PIK3CB: variants seen among roughly 807,000 people sequenced by gnomAD.
PIK3CB encodes phosphatidylinositol-4,5-bisphosphate 3-kinase catalytic subunit beta.
In PIK3CB, 39 loss-of-function variants were observed where a neutral mutation model predicts 136.8. The ratio of observed to expected loss-of-function variants is 0.29; its 90% confidence interval spans 0.22 to 0.37. PIK3CB has a LOEUF of 0.37. Ranked by LOEUF, PIK3CB falls within the 10% of genes least tolerant of loss-of-function variation. The probability of loss-of-function intolerance (pLI) is 1.00; values close to 1 mark genes in which losing one functional copy is unlikely to be tolerated. For missense variants in PIK3CB, 868 were observed against 1,275.4 expected (o/e 0.68, Z 4.87); for synonymous variants, 428 against 436.6 (o/e 0.98, Z 0.25).
At chr3:138,768,976 A>G (rs948601725) in intron 2 of PIK3CB, among the ~76,000 whole-genome samples, 5 of 151,906 alleles carry the variant, frequency 3.3e-5, no homozygotes, top group African/African-American at 1.2e-4. Context: ...GGCATGGGAG[A>G]GAAGGGGCTG....
At chr3:138,695,392 G>A (rs1559821181) in intron 13 of PIK3CB, among the ~76,000 whole-genome samples, 1 of 152,142 alleles carries the variant, frequency 6.6e-6, no homozygotes, top group Non-Finnish European at 1.5e-5. Context: ...ACTGGGAGAG[G>A]TGGCCTGCAA....
intron 23 of PIK3CB, among the ~76,000 whole-genome samples, 175 bp from the exon 24 acceptor site, chr3:138,655,701 T>C (rs1281121504): frequency 2.0e-5 from 3 of 152,168 alleles, no homozygotes; most frequent in African/African-American, 7.2e-5. Context: ...AGGGAGATAA[T>C]ATGACTTCTT....
intron 1 of PIK3CB, among the ~76,000 whole-genome samples, chr3:138,804,471 T>C (rs2046209940): frequency 6.6e-6 from 1 of 152,048 alleles, no homozygotes; most frequent in African/African-American, 2.4e-5. Flanking sequence ...GCCATGATCA[T>C]GCCACTGCAC....
At position 138,813,515 on chromosome 3, in the gene PIK3CB, T is replaced by A. The variant is rs569578225; in HGVS notation, c.-121-16948A>T. ...GGCACGATCTCTCCGCCTCCTGGGT[T>A]CACACCATTCTCCTGCCTCAGCCTC... On this transcript the variant is annotated intron_variant, in intron 1 of 23. Transcript: ENST00000674063. 1.3e-5 allele frequency among the ~76,000 whole-genome samples: 2 copies of A among 151,594 alleles called. 1 individual carries two copies. Among genetic ancestry groups the A allele is most frequent in the South Asian group, 4.2e-4 (2 of 4,776 alleles).
intron 8 of PIK3CB, among the ~76,000 whole-genome samples, chr3:138,730,361 C>A (rs769406782): frequency 6.6e-6 from 1 of 152,010 alleles, no homozygotes; most frequent in Non-Finnish European, 1.5e-5. Flanking sequence ...AAATAAAACA[C>A]GAATGAAGGC....
At chr3:138,777,123 T>A (rs2045868104) in intron 2 of PIK3CB, among the ~76,000 whole-genome samples, 1 of 152,156 alleles carries the variant, frequency 6.6e-6, no homozygotes, top group Non-Finnish European at 1.5e-5. Context: ...ATCTCCAAGC[T>A]GAGCAGGAAG....
chr3:138,664,273 CTG>C (rs982680596), intron 20 of PIK3CB, among the ~76,000 whole-genome samples: 1 of 151,980 alleles, frequency 6.6e-6, no homozygotes, highest in Admixed American at 6.6e-5. Context: ...GTCCTGGGAG[CTG>C]TGTTTCGGTG....
intron 2 of PIK3CB, chr3:138,770,702 T>G (rs1217736910): frequency 6.6e-6 from 1 of 151,768 alleles, no homozygotes; most frequent in Non-Finnish European, 1.5e-5. Flanking sequence ...AGAAAAAACA[T>G]TACTTCTTTT....
intron 5 of PIK3CB, among the ~76,000 whole-genome samples, chr3:138,742,001 T>C (rs1335747793): frequency 3.3e-5 from 5 of 152,196 alleles, no homozygotes; most frequent in Non-Finnish European, 7.3e-5. Flanking sequence ...TACTTCCATA[T>C]CATTAATTAA....
intron 6 of PIK3CB, among the ~76,000 whole-genome samples, chr3:138,737,059 TAA>T (rs1235953630): frequency 2.6e-5 from 4 of 151,930 alleles, no homozygotes; most frequent in African/African-American, 9.7e-5. Flanking sequence ...CATAATGATA[TAA>T]GACAATAATT....
intron 4 of PIK3CB, among the ~76,000 whole-genome samples, chr3:138,744,419 A>AAAAG (rs2045310020): frequency 6.8e-6 from 1 of 146,910 alleles, no homozygotes; most frequent in Non-Finnish European, 1.5e-5. Context: ...AAAAAAAAAA[A>AAAAG]AAAGGAAGTG....
intron 1 of PIK3CB, chr3:138,797,103 T>A (rs891419519): frequency 1.9e-5 from 3 of 160,066 alleles, no homozygotes; most frequent in Non-Finnish European, 2.8e-5. Context: ...AAGCGCCAGA[T>A]GAAACAAGCT....
chr3:138,683,564 C>T, intron 18 of PIK3CB, 114 bp downstream of exon 18: 3 of 653,042 alleles, frequency 4.6e-6, no homozygotes, highest in African/African-American at 1.8e-5. Flanking sequence ...TAATAGCTAC[C>T]TTCCTGGCTG....
At chr3:138,787,001 AC>A (rs540023015) in intron 2 of PIK3CB, among the ~76,000 whole-genome samples, 65 of 152,354 alleles carry the variant, frequency 4.3e-4, no homozygotes, top group African/African-American at 1.5e-3. Flanking sequence ...TAAAAAGCAC[AC>A]CACATTATCA....
At chr3:138,694,645 G>A in intron 14 of PIK3CB, 141 bp downstream of exon 14, 2 of 810,912 alleles carry the variant, frequency 2.5e-6, no homozygotes, top group East Asian at 2.8e-5. Context: ...TTGGGGAGCT[G>A]GCAGGAGTAC....
rs78626495 is a variant in PIK3CB, at chr3:138,688,054, G to A, written c.2136+821C>T. Among the ~76,000 whole-genome samples the A allele has an allele frequency of 4.7e-3, 715 of 152,192 alleles. 4 individuals are homozygous for A. Among genetic ancestry groups the A allele is most frequent in the Middle Eastern group, 6.8e-3 (2 of 294 alleles). On this transcript the variant is annotated intron_variant, in intron 16 of 23. Transcript: ENST00000674063. The stretch of plus-strand genomic sequence containing the variant: ...TAGCTATTATTACAATCATTAATGG[G>A]CTTTTCAAAAGTAAGGGATCAGAAA...
At chr3:138,772,811 A>G (rs1288098729) in intron 2 of PIK3CB, among the ~76,000 whole-genome samples, 45 of 86,118 alleles carry the variant, frequency 5.2e-4, no homozygotes, top group Admixed American at 1.1e-3. Flanking sequence ...TTTGAGATGG[A>G]GTCTTGCTCT....
At chr3:138,660,154 A>T (rs1577038640) in intron 21 of PIK3CB, among the ~76,000 whole-genome samples, 1 of 151,276 alleles carries the variant, frequency 6.6e-6, no homozygotes, top group Admixed American at 6.6e-5. Context: ...TGATATGTCT[A>T]CTCTCTGTTG....
At chr3:138,768,644 G>A (rs961393660) in intron 2 of PIK3CB, among the ~76,000 whole-genome samples, 8 of 152,124 alleles carry the variant, frequency 5.3e-5, no homozygotes, top group Admixed American at 5.2e-4. Flanking sequence ...TGGCACCCAA[G>A]CTGTAGGTAC....
Sources: gnomAD v4.1 joint callset for allele counts (sites outside exome capture counted in the v4.1 genomes callset) on GRCh38, gnomAD v4.1.1 for gene constraint, MANE v1.5 for transcripts, NCBI Gene and HGNC (gene_info 2026-07-23, HGNC 2026-07-21) for gene names.